The following DLGAP2 variants were observed in gnomAD, a reference collection of about 807,000 sequenced individuals.
DLGAP2 encodes the protein DLG associated protein 2, also known as disks large-associated protein 2.
Under a neutral mutation model 100.3 loss-of-function variants are expected in DLGAP2, and 26 were observed. That is an observed-to-expected ratio of 0.26 (90% CI 0.19 to 0.36). DLGAP2 has a LOEUF of 0.36. Ranked by LOEUF, DLGAP2 falls within the 10% of genes least tolerant of loss-of-function variation. The probability of loss-of-function intolerance (pLI) is 1.00; values close to 1 mark genes in which losing one functional copy is unlikely to be tolerated. For synonymous variants in DLGAP2, 886 were observed against 630.1 expected, an observed-to-expected ratio of 1.41 and a Z score of -6.08; for missense variants, 1,858 against 1,453.2, an observed-to-expected ratio of 1.28 and a Z score of -4.53.
intron 3 of DLGAP2, among the ~76,000 whole-genome samples, chr8:1,363,064 A>G (rs554103627): frequency 6.6e-6 from 1 of 152,344 alleles, no homozygotes; most frequent in African/African-American, 2.4e-5. Context: ...GAAGCCAAAA[A>G]TCTGGTTTCT....
chr8:1,490,511 T>C (rs1355792909), intron 3 of DLGAP2, among the ~76,000 whole-genome samples: 5 of 152,184 alleles, frequency 3.3e-5, no homozygotes, highest in African/African-American at 9.6e-5. Context: ...GAGAGGGTGA[T>C]GGGAGAGTCC....
At chr8:915,256 C>A (rs1024475619) in intron 2 of DLGAP2, among the ~76,000 whole-genome samples, 5 of 152,194 alleles carry the variant, frequency 3.3e-5, no homozygotes, top group Non-Finnish European at 7.4e-5. Flanking sequence ...ATCTGTGAAA[C>A]CCATCACTGG....
At chr8:1,631,251 A>G (rs1433808856) in intron 7 of DLGAP2, among the ~76,000 whole-genome samples, 2 of 151,912 alleles carry the variant, frequency 1.3e-5, no homozygotes. Flanking sequence ...TGTGAAATGC[A>G]CATACCAGGT....
intron 1 of DLGAP2, among the ~76,000 whole-genome samples, chr8:823,786 AGGGAGGCCATTC>A (rs1212093294): frequency 1.3e-5 from 2 of 152,186 alleles, no homozygotes; most frequent in Non-Finnish European, 2.9e-5. Context: ...TCAGAAGTGC[AGGGAGGCCATTC>A]GGGAGCCCGG....
At chr8:1,229,111 G>T (rs1371339342) in intron 2 of DLGAP2, among the ~76,000 whole-genome samples, 1 of 152,112 alleles carries the variant, frequency 6.6e-6, no homozygotes, top group Admixed American at 6.5e-5. Flanking sequence ...AAACTCAATT[G>T]CATGCATGTA....
chr8:999,822 A>G (rs901400404), intron 2 of DLGAP2, among the ~76,000 whole-genome samples: 6 of 152,108 alleles, frequency 3.9e-5, no homozygotes, highest in Admixed American at 6.6e-5. Flanking sequence ...TTCCTGTGCA[A>G]TTTCTTTTTT....
At chr8:1,485,983 C>T (rs563603628) in intron 3 of DLGAP2, among the ~76,000 whole-genome samples, 5 of 152,226 alleles carry the variant, frequency 3.3e-5, no homozygotes, top group African/African-American at 1.2e-4. Flanking sequence ...GCCGAGATCG[C>T]GCCACTGCAC....
chr8:751,782 C>T lies in DLGAP2; in HGVS notation c.18+13957C>T. ...TTATAGTAAGTCCTTATAGTAAGTT[C>T]ATCTGACATTTTATAGTAAGTCCTT... is the stretch of plus-strand genomic sequence containing the variant. On this transcript the variant is annotated intron_variant, in intron 1 of 14. Transcript: ENST00000637795. Among the ~76,000 whole-genome samples the T allele has an allele frequency of 1.3e-5, 2 of 151,956 alleles. 1 individual carries two copies. The highest frequency in any genetic ancestry group is 2.9e-5 in the Non-Finnish European group (2 of 67,992).
chr8:1,224,776 A>G (rs1585167150), intron 2 of DLGAP2, among the ~76,000 whole-genome samples: 1 of 152,322 alleles, frequency 6.6e-6, no homozygotes, highest in East Asian at 1.9e-4. Flanking sequence ...GAGCAAGGGG[A>G]CTGGATGGAC....
intron 6 of DLGAP2, among the ~76,000 whole-genome samples, chr8:1,589,113 C>A (rs1415743403): frequency 2.0e-5 from 3 of 152,174 alleles, no homozygotes; most frequent in Non-Finnish European, 4.4e-5. Flanking sequence ...TGGTGGTTAT[C>A]TCTGGGTTTG....
intron 2 of DLGAP2, among the ~76,000 whole-genome samples, chr8:1,123,781 C>T (rs769389136): frequency 6.6e-6 from 1 of 152,160 alleles, no homozygotes; most frequent in Non-Finnish European, 1.5e-5. Context: ...AGGAATAAAA[C>T]TTCAGCACTT....
intron 2 of DLGAP2, among the ~76,000 whole-genome samples, chr8:1,227,181 A>ATATATATATATATATATAGTATAGG (rs1563265066): frequency 7.8e-6 from 1 of 127,712 alleles, no homozygotes; most frequent in African/African-American, 3.6e-5. Flanking sequence ...TATAGTATAG[A>ATATATATATATATATATAGTATAGG]TATATATTAT....
intron 8 of DLGAP2, among the ~76,000 whole-genome samples, chr8:1,645,459 G>A (rs768191536): frequency 6.6e-6 from 1 of 152,242 alleles, no homozygotes; most frequent in Non-Finnish European, 1.5e-5. Context: ...TGTATTAAAC[G>A]TGTTTCCCAC....
intron 3 of DLGAP2, among the ~76,000 whole-genome samples, chr8:1,267,914 T>C (rs973256366): frequency 7.2e-5 from 11 of 152,128 alleles, no homozygotes; most frequent in African/African-American, 2.7e-4. Context: ...TTGAATCAAA[T>C]ACATAAAGCT....
At chr8:1,390,856 T>C (rs1291313010) in intron 3 of DLGAP2, among the ~76,000 whole-genome samples, 2 of 151,870 alleles carry the variant, frequency 1.3e-5, no homozygotes, top group Non-Finnish European at 2.9e-5. Flanking sequence ...TGTGCAAGAG[T>C]CATAAAGAAT....
intron 2 of DLGAP2, among the ~76,000 whole-genome samples, chr8:1,180,715 C>A (rs1013197953): frequency 6.7e-6 from 1 of 149,406 alleles, no homozygotes; most frequent in African/African-American, 2.5e-5. Flanking sequence ...TGTGGGTGTG[C>A]AAGGGCAGCA....
At chr8:825,265 A>C (rs1186635434) in intron 1 of DLGAP2, among the ~76,000 whole-genome samples, 10 of 152,236 alleles carry the variant, frequency 6.6e-5, no homozygotes, top group Non-Finnish European at 2.9e-5. Context: ...CTGTTGGATC[A>C]GGTTGTGCTG....
chr8:1,096,969 A>AGG (rs1804395276), intron 2 of DLGAP2, among the ~76,000 whole-genome samples: 2 of 139,984 alleles, frequency 1.4e-5, no homozygotes, highest in Non-Finnish European at 1.6e-5. Context: ...TGGCATAGAG[A>AGG]GGACCCCTCC....
At chr8:867,815 A>T (rs897990538) in intron 1 of DLGAP2, among the ~76,000 whole-genome samples, 5 of 152,142 alleles carry the variant, frequency 3.3e-5, no homozygotes, top group African/African-American at 1.2e-4. Context: ...TAAACCTCAA[A>T]ATTATGAGAT....
Sources: gnomAD v4.1 joint callset for allele counts (sites outside exome capture counted in the v4.1 genomes callset) on GRCh38, gnomAD v4.1.1 for gene constraint, MANE v1.5 for transcripts, NCBI Gene and HGNC (gene_info 2026-07-23, HGNC 2026-07-21) for gene names.